ZBTB20: variants seen among roughly 807,000 people sequenced by gnomAD.
ZBTB20 encodes zinc finger and BTB domain containing 20, also known as zinc finger and BTB domain-containing protein 20.
Under a neutral mutation model 56.9 loss-of-function variants are expected in ZBTB20, and 9 were observed. The observed-to-expected ratio is 0.16, with a 90% CI of 0.10 to 0.28. ZBTB20 has a LOEUF of 0.28. Among genes scored for constraint, ZBTB20 ranks in the 10% least tolerant of loss-of-function variants. The pLI, the probability that ZBTB20 is intolerant of heterozygous loss-of-function variation, is 1.00. For synonymous variants in ZBTB20, 417 were observed against 420.7 expected (o/e 0.99, Z 0.11); for missense variants, 655 against 1,003.0 (o/e 0.65, Z 4.69).
Position 114,410,115 on chromosome 3 carries a change from G to T in ZBTB20, c.-254-21010C>A, listed in dbSNP as rs567132229. 6.6e-5 allele frequency among the ~76,000 whole-genome samples: 10 copies of T among 152,216 alleles called. No homozygotes were observed. The South Asian group carries it at 2.1e-3, about 32-fold the overall frequency. On this transcript the variant is annotated intron_variant, in intron 7 of 11. Transcript: ENST00000675478. ...TCCAGCAGATGTTTCTTCTGAGAAAGACAAGGTCCATCTAACAGGTGAGAC... is the reference window on the plus strand; with the variant it reads ...TCCAGCAGATGTTTCTTCTGAGAAATACAAGGTCCATCTAACAGGTGAGAC...
chr3:114,612,556 T>C (rs2057638560), intron 6 of ZBTB20, among the ~76,000 whole-genome samples: 1 of 152,194 alleles, frequency 6.6e-6, no homozygotes, highest in African/African-American at 2.4e-5. Flanking sequence ...ACAATAAATA[T>C]ATATCCACAT....
intron 4 of ZBTB20, among the ~76,000 whole-genome samples, chr3:114,830,530 T>C (rs141292884): frequency 6.6e-6 from 1 of 151,744 alleles, no homozygotes; most frequent in Non-Finnish European, 1.5e-5. Flanking sequence ...TCCTGAAAAA[T>C]TTAATATACC....
chr3:115,045,371 G>A (rs140896984), intron 2 of ZBTB20, among the ~76,000 whole-genome samples: 1,675 of 151,766 alleles, frequency 0.011, 19 homozygotes, highest in African/African-American at 0.032. Flanking sequence ...TAATTTTCCC[G>A]TAGTGGCCGA....
chr3:115,007,033 GAGAAT>G (rs1291653104), intron 2 of ZBTB20, among the ~76,000 whole-genome samples: 3 of 151,750 alleles, frequency 2.0e-5, no homozygotes, highest in African/African-American at 4.8e-5. Flanking sequence ...ACTTAATGAT[GAGAAT>G]AGGAGTATTT....
intron 1 of ZBTB20, among the ~76,000 whole-genome samples, chr3:115,087,429 C>T (rs2083028266): frequency 1.3e-5 from 2 of 151,826 alleles, no homozygotes; most frequent in South Asian, 4.1e-4. Flanking sequence ...TCAGCTAATT[C>T]TAATGGTTTT....
chr3:114,713,708 T>G (rs558082194), intron 5 of ZBTB20, among the ~76,000 whole-genome samples: 2 of 152,330 alleles, frequency 1.3e-5, no homozygotes, highest in East Asian at 3.9e-4. Flanking sequence ...TCTAAGTATC[T>G]CTGGTCAGTC....
chr3:115,093,316 C>T (rs1402619249), intron 1 of ZBTB20, among the ~76,000 whole-genome samples: 1 of 151,932 alleles, frequency 6.6e-6, no homozygotes, highest in African/African-American at 2.4e-5. Flanking sequence ...TAGGCCGTAC[C>T]ACATCTTCAT....
chr3:114,400,132 A>C (rs75067474), intron 7 of ZBTB20, among the ~76,000 whole-genome samples: 292 of 152,268 alleles, frequency 1.9e-3, no homozygotes, highest in African/African-American at 6.7e-3. Flanking sequence ...AGAGCACTAG[A>C]TGGAGAATCA....
At chr3:114,569,531 A>C (rs745906285) in intron 6 of ZBTB20, among the ~76,000 whole-genome samples, 1 of 152,222 alleles carries the variant, frequency 6.6e-6, no homozygotes, top group Non-Finnish European at 1.5e-5. Flanking sequence ...ACCGCAGATC[A>C]GTCAGGTCTC....
At position 114,808,145 on chromosome 3, in the gene ZBTB20, C is replaced by T. The variant is rs565674367; in HGVS notation, c.-416-6971G>A. Among the ~76,000 whole-genome samples, 20 of 152,084 alleles carry T rather than the reference C, an allele frequency of 1.3e-4. 1 individual carries two copies. Among genetic ancestry groups the T allele is most frequent in the Middle Eastern group, 3.4e-3 (1 of 294 alleles). On this transcript the variant is annotated intron_variant, in intron 4 of 11. Transcript: ENST00000675478. ...GTATAAATTGTATGTCTTTTTATTA[C>T]GAGTCTGTTCATATTTTCTATTTCC... is the stretch of plus-strand genomic sequence containing the variant.
chr3:114,735,680 T>C (rs999551560), intron 5 of ZBTB20, among the ~76,000 whole-genome samples: 3 of 152,154 alleles, frequency 2.0e-5, no homozygotes, highest in Non-Finnish European at 4.4e-5. Context: ...AATAAGTCAA[T>C]GGAAACCTCT....
intron 6 of ZBTB20, among the ~76,000 whole-genome samples, chr3:114,565,574 G>C (rs571448160): frequency 6.6e-6 from 1 of 152,204 alleles, no homozygotes; most frequent in East Asian, 1.9e-4. Flanking sequence ...ACAGGCATAC[G>C]TTTAGGGTGC....
chr3:114,591,268 G>A (rs1315037313), intron 6 of ZBTB20, among the ~76,000 whole-genome samples: 1 of 152,134 alleles, frequency 6.6e-6, no homozygotes, highest in Non-Finnish European at 1.5e-5. Flanking sequence ...AGAAATCAGA[G>A]AAATATCTAT....
intron 2 of ZBTB20, among the ~76,000 whole-genome samples, chr3:115,027,231 A>C (rs1249313414): frequency 6.6e-6 from 1 of 151,126 alleles, no homozygotes; most frequent in Admixed American, 6.6e-5. Flanking sequence ...AGTAAAATAA[A>C]CAATGTGAAT....
chr3:115,141,674 G>A (rs2084814981), intron 1 of ZBTB20, among the ~76,000 whole-genome samples: 1 of 152,112 alleles, frequency 6.6e-6, no homozygotes, highest in Admixed American at 6.5e-5. Context: ...CAAGTTTGTG[G>A]AAATTTTAGA....
chr3:114,522,689 T>A (rs556859246), intron 6 of ZBTB20, among the ~76,000 whole-genome samples: 1 of 152,232 alleles, frequency 6.6e-6, no homozygotes, highest in Admixed American at 6.5e-5. Flanking sequence ...TCTGGACTTA[T>A]TCTGAAGGTA....
chr3:114,647,043 C>T (rs918785385), intron 6 of ZBTB20, among the ~76,000 whole-genome samples: 3 of 152,052 alleles, frequency 2.0e-5, no homozygotes, highest in Non-Finnish European at 4.4e-5. Flanking sequence ...ACTGCAAGCT[C>T]TGCCTCCCGG....
chr3:114,335,102 A>G lies in ZBTB20; in HGVS notation c.*3903T>C, dbSNP rs2722018. 1 of 151,986 alleles carries G rather than the reference A, an allele frequency of 6.6e-6. No homozygotes were observed. Among genetic ancestry groups the G allele is most frequent in the African/African-American group, 2.4e-5 (1 of 41,282 alleles). The allele number at this position is 151,986 out of a possible 1,614,324, so 9.4% of individuals were successfully genotyped here. On this transcript the variant is annotated 3_prime_UTR_variant, in exon 12 of 12. Transcript: ENST00000675478. ...ATTATTTTTTTATAAACCATATCTA[A>G]ATATCTTGAGATAAAAATTCCCCTT...
intron 7 of ZBTB20, among the ~76,000 whole-genome samples, chr3:114,498,057 C>T (rs921039021): frequency 6.6e-6 from 1 of 152,172 alleles, no homozygotes; most frequent in African/African-American, 2.4e-5. Flanking sequence ...TGTAAATTAA[C>T]ACCCTTTTCA....
Sources: allele counts gnomAD v4.1 joint callset (sites outside exome capture counted in the v4.1 genomes callset), GRCh38; gene constraint gnomAD v4.1.1; transcripts MANE v1.5; gene names NCBI Gene and HGNC (gene_info 2026-07-23, HGNC 2026-07-21).